The following MOB3B variants were observed in gnomAD, a reference collection of about 807,000 sequenced individuals.
MOB3B encodes MOB kinase activator 3B, also known as MOB kinase activator-like 2B.
A neutral mutation model predicts 18.7 loss-of-function variants in MOB3B; 7 were observed. That is an observed-to-expected ratio of 0.37 (90% confidence interval 0.21 to 0.70). MOB3B has a LOEUF of 0.70. Among genes scored for constraint, MOB3B ranks in the 30% least tolerant of loss-of-function variants. The probability of loss-of-function intolerance (pLI) is 0.52; values close to 1 mark genes in which losing one functional copy is unlikely to be tolerated. For missense variants in MOB3B, 253 were observed against 281.3 expected, an observed-to-expected ratio of 0.90 and a Z score of 0.72; for synonymous variants, 111 against 99.9, an observed-to-expected ratio of 1.11 and a Z score of -0.66.
chr9:27,460,704 T>C (rs962601056), intron 1 of MOB3B, among the ~76,000 whole-genome samples: 1 of 152,156 alleles, frequency 6.6e-6, no homozygotes, highest in Non-Finnish European at 1.5e-5. Flanking sequence ...GGACTCCTCC[T>C]GGCAGGATCA....
intron 1 of MOB3B, among the ~76,000 whole-genome samples, chr9:27,477,919 A>G (rs1587243991): frequency 6.6e-6 from 1 of 152,342 alleles, no homozygotes; most frequent in Non-Finnish European, 1.5e-5. Context: ...ACATAACTGC[A>G]TCAAGTCAGA....
At chr9:27,452,852 T>C (rs956990024) in intron 2 of MOB3B, among the ~76,000 whole-genome samples, 5 of 152,146 alleles carry the variant, frequency 3.3e-5, no homozygotes, top group Non-Finnish European at 7.4e-5. Context: ...GTTAGAATGG[T>C]GATTACCAGA....
intron 1 of MOB3B, among the ~76,000 whole-genome samples, chr9:27,482,522 A>G (rs1014700142): frequency 4.6e-5 from 7 of 152,202 alleles, no homozygotes; most frequent in Non-Finnish European, 1.0e-4. Flanking sequence ...AGTTCCTGGA[A>G]TGTCAGTTCT....
chr9:27,377,057 A>G (rs1403092158), intron 2 of MOB3B, among the ~76,000 whole-genome samples: 2 of 152,228 alleles, frequency 1.3e-5, no homozygotes, highest in Admixed American at 6.5e-5. Context: ...ACTGTGAAGG[A>G]CATAAGGATC....
chr9:27,415,561 G>T (rs540869866), intron 2 of MOB3B, among the ~76,000 whole-genome samples: 2 of 152,010 alleles, frequency 1.3e-5, no homozygotes, highest in East Asian at 3.9e-4. Context: ...AAATTAATCT[G>T]GTCAATTTTA....
intron 2 of MOB3B, among the ~76,000 whole-genome samples, chr9:27,388,698 CCTGT>C (rs1353202115): frequency 6.6e-6 from 1 of 152,082 alleles, no homozygotes; most frequent in Non-Finnish European, 1.5e-5. Flanking sequence ...TCAAATTTAA[CCTGT>C]CTAACACATG....
intron 1 of MOB3B, among the ~76,000 whole-genome samples, chr9:27,507,526 T>C (rs558682085): frequency 5.3e-5 from 8 of 152,346 alleles, no homozygotes; most frequent in Admixed American, 5.2e-4. Context: ...GACATTTTTC[T>C]GATGAGGGAT....
rs938983086 is a variant in MOB3B, at chr9:27,378,361, T to C, written c.419-19125A>G. The C allele has an allele frequency of 4.9e-5, 23 of 471,604 alleles. No homozygotes were observed. The East Asian group carries it at 1.4e-3, about 28-fold the overall frequency. The allele number at this position is 471,604 out of a possible 1,614,324, so 29.2% of individuals were successfully genotyped here. A position where few individuals can be genotyped will look rare whatever the true frequency, so the allele number is the denominator to read the frequency against. On this transcript the variant is annotated intron_variant, in intron 2 of 3. Transcript: ENST00000262244. ...AAAGGGACACATATTGCTGCTCACC[T>C]ACTCTCCAGCAGGCTCTGATGTCAG...
At chr9:27,460,741 G>C (rs1010020223) in intron 1 of MOB3B, among the ~76,000 whole-genome samples, 10 of 152,196 alleles carry the variant, frequency 6.6e-5, no homozygotes, top group African/African-American at 2.2e-4. Context: ...ATTTCCTATA[G>C]GAAGGCCATA....
At chr9:27,357,555 C>G (rs1218534432) in intron 3 of MOB3B, among the ~76,000 whole-genome samples, 1 of 151,898 alleles carries the variant, frequency 6.6e-6, no homozygotes, top group East Asian at 1.9e-4. Context: ...ACCTGCTTAC[C>G]CTGTCTGGCC....
chr9:27,529,308 C>T (rs942239990), intron 1 of MOB3B, among the ~76,000 whole-genome samples: 1 of 152,164 alleles, frequency 6.6e-6, no homozygotes, highest in Non-Finnish European at 1.5e-5. Flanking sequence ...AGTGGGCGAC[C>T]CTTGTTCCTG....
chr9:27,449,111 T>A (rs1822742744), intron 2 of MOB3B, among the ~76,000 whole-genome samples: 1 of 152,218 alleles, frequency 6.6e-6, no homozygotes, highest in Admixed American at 6.5e-5. Flanking sequence ...TAGAGTTAGA[T>A]GCTCATCTGT....
chr9:27,489,250 A>G lies in MOB3B; in HGVS notation c.-198-33502T>C, dbSNP rs1308247074. On this transcript the variant is annotated intron_variant, in intron 1 of 3. Coordinates refer to ENST00000262244, the MANE Select transcript of MOB3B (RefSeq NM_024761.5). Reference sequence around the variant, plus strand: ...TTCCCTTGTCATTTAAGCATTCTCAACTACACATAGAAATCCAACAGAAGC... The same window carrying G: ...TTCCCTTGTCATTTAAGCATTCTCAGCTACACATAGAAATCCAACAGAAGC... Among the ~76,000 whole-genome samples, 3 of 152,080 alleles carry G rather than the reference A, an allele frequency of 2.0e-5. No homozygotes were observed. In the East Asian group the frequency reaches 5.8e-4, roughly 29 times the overall value.
intron 2 of MOB3B, among the ~76,000 whole-genome samples, chr9:27,388,692 A>C (rs1821682146): frequency 6.6e-6 from 1 of 152,098 alleles, no homozygotes; most frequent in African/African-American, 2.4e-5. Context: ...GATTCTTCAA[A>C]TTTAACCTGT....
At chr9:27,427,916 C>T (rs1822361500) in intron 2 of MOB3B, among the ~76,000 whole-genome samples, 2 of 152,152 alleles carry the variant, frequency 1.3e-5, no homozygotes, top group South Asian at 4.1e-4. Context: ...CCTATCTTGC[C>T]TATTAAGTTG....
At chr9:27,360,592 T>C (rs1821261030) in intron 2 of MOB3B, among the ~76,000 whole-genome samples, 1 of 152,142 alleles carries the variant, frequency 6.6e-6, no homozygotes, top group Non-Finnish European at 1.5e-5. Context: ...TTCAGCAAAA[T>C]TGTAGAACTA....
chr9:27,358,822 T>C (rs755912291), intron 3 of MOB3B: 2 of 744,838 alleles, frequency 2.7e-6, no homozygotes, highest in Non-Finnish European at 4.9e-6. Context: ...TTCTGCCACC[T>C]CTTGGAGGGT....
At chr9:27,504,236 C>T (rs566307779) in intron 1 of MOB3B, among the ~76,000 whole-genome samples, 2 of 152,272 alleles carry the variant, frequency 1.3e-5, no homozygotes, top group South Asian at 4.1e-4. Context: ...TGCCTGTCCC[C>T]CAGTCCAGTG....
chr9:27,481,805 G>T (rs1331290193), intron 1 of MOB3B, among the ~76,000 whole-genome samples: 6 of 152,136 alleles, frequency 3.9e-5, no homozygotes, highest in Admixed American at 3.3e-4. Context: ...GATTACAGGC[G>T]TGAGCCACCG....
Sources: gnomAD v4.1 joint callset for allele counts (sites outside exome capture counted in the v4.1 genomes callset) on GRCh38, gnomAD v4.1.1 for gene constraint, MANE v1.5 for transcripts, NCBI Gene and HGNC (gene_info 2026-07-23, HGNC 2026-07-21) for gene names.